Variants in CSMD2 observed in about 807,000 individuals in gnomAD.
CSMD2 encodes CUB and Sushi multiple domains 2.
A neutral mutation model predicts 398.5 loss-of-function variants in CSMD2; 130 were observed. The observed-to-expected ratio is 0.33, with a 90% confidence interval of 0.28 to 0.38. CSMD2 has a LOEUF of 0.38. Among genes scored for constraint, CSMD2 ranks in the 10% least tolerant of loss-of-function variants. The pLI, the probability that CSMD2 is intolerant of heterozygous loss-of-function variation, is 1.00. For synonymous variants in CSMD2, 1,828 were observed against 1,908.5 expected (o/e 0.96, Z 1.10); for missense variants, 3,829 against 4,764.9 (o/e 0.80, Z 5.78).
chr1:33,703,485 AT>A (rs1391230882), intron 22 of CSMD2, among the ~76,000 whole-genome samples: 1 of 152,234 alleles, frequency 6.6e-6, no homozygotes, highest in Non-Finnish European at 1.5e-5. Flanking sequence ...CCAATTCATC[AT>A]TATGTGCAGG....
chr1:33,718,973 C>T (rs1057105959), intron 19 of CSMD2, among the ~76,000 whole-genome samples: 1 of 152,194 alleles, frequency 6.6e-6, no homozygotes, highest in Admixed American at 6.5e-5. Context: ...GCCTAAGCAC[C>T]TACCAAGTGC....
intron 42 of CSMD2, among the ~76,000 whole-genome samples, chr1:33,604,626 C>T (rs1353056765): frequency 6.6e-6 from 1 of 152,198 alleles, no homozygotes; most frequent in Non-Finnish European, 1.5e-5. Flanking sequence ...TCTGCCACTC[C>T]TCCAGGAAAA....
chr1:33,661,725 G>A (rs968056166), intron 26 of CSMD2, among the ~76,000 whole-genome samples: 77 of 152,088 alleles, frequency 5.1e-4, no homozygotes, highest in African/African-American at 1.8e-3. Context: ...TGCTCCCCAC[G>A]CTGCTAAATG....
At position 33,736,002 on chromosome 1, in the gene CSMD2, C is replaced by T. The variant is rs114011426; in HGVS notation, c.2368+3138G>A. 2.6e-3 allele frequency among the ~76,000 whole-genome samples: 395 copies of T among 152,248 alleles called. 3 individuals are homozygous for T. The highest frequency in any genetic ancestry group is 9.2e-3 in the African/African-American group (381 of 41,524). On this transcript the variant is annotated intron_variant, in intron 15 of 70. Coordinates refer to ENST00000373381, the MANE Select transcript of CSMD2 (RefSeq NM_001281956.2). ...TTCAGCCACCCTAAGTGGCATCAGGCTCTCACACTCTGCCTGGCATGCAAC... is the reference window on the plus strand; with the variant it reads ...TTCAGCCACCCTAAGTGGCATCAGGTTCTCACACTCTGCCTGGCATGCAAC...
At position 33,989,013 on chromosome 1, in the gene CSMD2, CATATATAT is replaced by C. The variant is rs71029018; in HGVS notation, c.517+43573_517+43580del. Among the ~76,000 whole-genome samples the C allele has an allele frequency of 4.6e-3, 429 of 94,194 alleles. 3 individuals are homozygous for C. The highest frequency in any genetic ancestry group is 7.4e-3 in the South Asian group (24 of 3,238). 61.8% of individuals were successfully genotyped at this position (94,194 alleles called of 152,430 possible). A position where few individuals can be genotyped will look rare whatever the true frequency, so the allele number is the denominator to read the frequency against. Reference sequence around the variant, plus strand: ...ACAGGTAAAAATCTCTCTCTCTCTCCATATATATATATATATATATATATATATATATA... The same window carrying C: ...ACAGGTAAAAATCTCTCTCTCTCTCCATATATATATATATATATATATATA... On this transcript the variant is annotated intron_variant, in intron 3 of 70. Transcript: ENST00000373381.
chr1:33,840,287 G>A (rs1234701209), intron 6 of CSMD2: 1 of 152,204 alleles, frequency 6.6e-6, no homozygotes, highest in African/African-American at 2.4e-5. Context: ...GATAGCCTAT[G>A]CGGCCTAAGC....
intron 11 of CSMD2, among the ~76,000 whole-genome samples, chr1:33,790,404 C>A (rs1654086201): frequency 6.6e-6 from 1 of 152,148 alleles, no homozygotes; most frequent in African/African-American, 2.4e-5. Context: ...ATGGACCCTC[C>A]CCTGAATAAG....
chr1:33,858,224 C>T (rs528409039), intron 5 of CSMD2, among the ~76,000 whole-genome samples: 26 of 152,308 alleles, frequency 1.7e-4, no homozygotes, highest in South Asian at 4.1e-4. Flanking sequence ...TAGAACATCC[C>T]ATGACCTAGA....
chr1:33,822,873 C>T (rs577732267), intron 7 of CSMD2, among the ~76,000 whole-genome samples: 2 of 152,286 alleles, frequency 1.3e-5, no homozygotes, highest in African/African-American at 4.8e-5. Context: ...AGCTAAGCAC[C>T]CACCTTCTTT....
chr1:33,515,066 T>C lies in CSMD2; in HGVS notation c.*1558A>G, dbSNP rs1182057481. 1 of 152,246 alleles carries C rather than the reference T, an allele frequency of 6.6e-6. No homozygotes were observed. Among genetic ancestry groups the C allele is most frequent in the African/African-American group, 2.4e-5 (1 of 41,462 alleles). The allele number at this position is 152,246 out of a possible 1,614,324, so 9.4% of individuals were successfully genotyped here. A position where few individuals can be genotyped will look rare whatever the true frequency, so the allele number is the denominator to read the frequency against. ...GGGGCCTTCCCGAGGACAGAGAAAGTGGCCCTAAATGCTATACTTTGATTC... is the reference window on the plus strand; with the variant it reads ...GGGGCCTTCCCGAGGACAGAGAAAGCGGCCCTAAATGCTATACTTTGATTC... On this transcript the variant is annotated 3_prime_UTR_variant, in exon 71 of 71. Coordinates refer to ENST00000373381, the MANE Select transcript of CSMD2 (RefSeq NM_001281956.2).
intron 5 of CSMD2, among the ~76,000 whole-genome samples, chr1:33,852,011 C>T (rs1414524269): frequency 6.6e-6 from 1 of 152,102 alleles, no homozygotes; most frequent in Non-Finnish European, 1.5e-5. Context: ...CAATTCCCGG[C>T]TACCTAGTAT....
intron 12 of CSMD2, among the ~76,000 whole-genome samples, chr1:33,778,900 A>C (rs1487997254): frequency 1.3e-5 from 2 of 151,976 alleles, no homozygotes; most frequent in Non-Finnish European, 2.9e-5. Context: ...CTTCTCCCTC[A>C]GCTCTCCTTA....
intron 3 of CSMD2, among the ~76,000 whole-genome samples, chr1:34,015,481 G>A (rs994410851): frequency 6.6e-6 from 1 of 152,162 alleles, no homozygotes; most frequent in Admixed American, 6.5e-5. Flanking sequence ...GAGGCATGAG[G>A]AGCCACCATG....
intron 24 of CSMD2, among the ~76,000 whole-genome samples, chr1:33,698,246 A>G (rs966246049): frequency 1.3e-5 from 2 of 152,218 alleles, no homozygotes; most frequent in Non-Finnish European, 2.9e-5. Flanking sequence ...TCATTATTGC[A>G]TTCTTTATCA....
At chr1:33,595,818 G>A (rs1444093450) in intron 44 of CSMD2, among the ~76,000 whole-genome samples, 1 of 152,156 alleles carries the variant, frequency 6.6e-6, no homozygotes, top group Non-Finnish European at 1.5e-5. Flanking sequence ...GTCCATTTTA[G>A]TGGAAAATGT....
intron 64 of CSMD2, among the ~76,000 whole-genome samples, chr1:33,527,612 A>C (rs1398539068): frequency 6.6e-6 from 1 of 152,208 alleles, no homozygotes; most frequent in African/African-American, 2.4e-5. Context: ...GTAGTCAGGA[A>C]CATGAACAAT....
At chr1:33,700,112 A>G (rs1465338448) in intron 23 of CSMD2, among the ~76,000 whole-genome samples, 3 of 151,718 alleles carry the variant, frequency 2.0e-5, no homozygotes, top group East Asian at 1.9e-4. Flanking sequence ...GGGTTCAAGC[A>G]ATTCTCCTGC....
At chr1:34,129,003 A>ACCCC (rs746867346) in intron 1 of CSMD2, among the ~76,000 whole-genome samples, 1 of 81,144 alleles carries the variant, frequency 1.2e-5, no homozygotes, top group African/African-American at 3.9e-5. Flanking sequence ...ATACATGTGT[A>ACCCC]CCCCCCCCCA....
At chr1:33,536,228 C>A (rs1024701744) in intron 62 of CSMD2, among the ~76,000 whole-genome samples, 1 of 152,124 alleles carries the variant, frequency 6.6e-6, no homozygotes, top group Admixed American at 6.5e-5. Flanking sequence ...TTTCTTTTCT[C>A]TTCTTTTTTT....
Sources: allele counts gnomAD v4.1 joint callset (sites outside exome capture counted in the v4.1 genomes callset), GRCh38; gene constraint gnomAD v4.1.1; transcripts MANE v1.5; gene names NCBI Gene and HGNC (gene_info 2026-07-23, HGNC 2026-07-21).